Variants in PON3 observed in about 807,000 individuals in gnomAD.
PON3 encodes paraoxonase 3.
A neutral mutation model predicts 36.3 loss-of-function variants in PON3; 37 were observed. The ratio of observed to expected loss-of-function variants is 1.02; its 90% CI spans 0.78 to 1.34. The LOEUF is 1.34. PON3 is among the 40% of genes most tolerant of loss of function. PON3 has a pLI of 0.00. For missense variants in PON3, 415 were observed against 426.5 expected (o/e 0.97, Z 0.24); for synonymous variants, 155 against 154.8 (o/e 1.00, Z -0.01).
intron 2 of PON3, among the ~76,000 whole-genome samples, chr7:95,392,096 T>C (rs1035080844): frequency 2.0e-5 from 3 of 152,208 alleles, no homozygotes; most frequent in Admixed American, 6.5e-5. Flanking sequence ...GAGGATGATG[T>C]AGATGTTTGT....
chr7:95,362,616 T>A, intron 7 of PON3, 126 bp from the exon 8 acceptor site: 1 of 1,472,486 alleles, frequency 6.8e-7, no homozygotes, highest in Non-Finnish European at 9.5e-7. Context: ...GGGCTTTGCT[T>A]CTGTATTTTA....
intron 3 of PON3, chr7:95,377,549 C>T (rs1350380360): frequency 2.8e-5 from 12 of 426,638 alleles, no homozygotes; most frequent in Admixed American, 1.2e-4. Context: ...CAGGCGGATG[C>T]CCCTCTGGGA....
chr7:95,387,931 C>T (rs150009267), intron 3 of PON3, among the ~76,000 whole-genome samples: 4,340 of 152,096 alleles, frequency 0.029, 120 homozygotes, highest in African/African-American at 0.069. Flanking sequence ...GCTAGCCATA[C>T]GTAGAAAGCC....
chr7:95,373,359 G>A (rs1808850332), intron 3 of PON3, among the ~76,000 whole-genome samples: 2 of 152,062 alleles, frequency 1.3e-5, no homozygotes, highest in South Asian at 2.1e-4. Flanking sequence ...AACAACCCCA[G>A]CTATATCTTC....
At chr7:95,383,233 C>T (rs1809103302) in intron 3 of PON3, among the ~76,000 whole-genome samples, 1 of 152,128 alleles carries the variant, frequency 6.6e-6, no homozygotes, top group African/African-American at 2.4e-5. Flanking sequence ...ATGACAAACC[C>T]ACAGCCAATA....
intron 3 of PON3, among the ~76,000 whole-genome samples, chr7:95,387,247 A>G (rs1809216164): frequency 6.6e-6 from 1 of 152,222 alleles, no homozygotes; most frequent in Non-Finnish European, 1.5e-5. Context: ...CCATCATCTG[A>G]GCCTCAAATC....
At chr7:95,371,672 T>C (rs954241831) in intron 4 of PON3, among the ~76,000 whole-genome samples, 1 of 152,204 alleles carries the variant, frequency 6.6e-6, no homozygotes, top group African/African-American at 2.4e-5. Flanking sequence ...GTAAGAATTA[T>C]TTATATTGTC....
intron 1 of PON3, among the ~76,000 whole-genome samples, chr7:95,394,921 C>G (rs909875326): frequency 6.6e-6 from 1 of 151,972 alleles, no homozygotes; most frequent in African/African-American, 2.4e-5. Context: ...CTAACCTTAC[C>G]CAGTTATTGC....
In PON3 at chr7:95,396,303, TAAG is replaced by T; in HGVS notation, c.45_47del (p.Leu16del). On this transcript the variant is annotated inframe_deletion, in exon 1 of 9. Transcript: ENST00000265627. ...TAAACGCCAGGAACATCTCCCCGAC[TAAG>T]GACAGGCCGACCCCCAGCAGGACCA... 1 of 1,613,812 alleles carries T rather than the reference TAAG, an allele frequency of 6.2e-7. No homozygotes were observed. Among genetic ancestry groups the T allele is most frequent in the Non-Finnish European group, 8.5e-7 (1 of 1,179,950 alleles).
intron 3 of PON3, among the ~76,000 whole-genome samples, chr7:95,381,294 C>T (rs1410096740): frequency 6.6e-6 from 1 of 152,206 alleles, no homozygotes; most frequent in East Asian, 1.9e-4. Flanking sequence ...ACTGCATCAA[C>T]TAATGAGCAA....
intron 3 of PON3, among the ~76,000 whole-genome samples, chr7:95,384,432 A>C (rs1809139835): frequency 6.6e-6 from 1 of 152,236 alleles, no homozygotes; most frequent in Non-Finnish European, 1.5e-5. Context: ...ACAGAATGCA[A>C]GAAAATTTTT....
intron 8 of PON3, among the ~76,000 whole-genome samples, chr7:95,361,165 G>T (rs572610571): frequency 6.6e-6 from 1 of 152,204 alleles, no homozygotes; most frequent in South Asian, 2.1e-4. Flanking sequence ...TTGCTTCCTA[G>T]TTTAGGGTAA....
At chr7:95,385,349 T>C (rs888957744) in intron 3 of PON3, among the ~76,000 whole-genome samples, 13 of 152,178 alleles carry the variant, frequency 8.5e-5, no homozygotes, top group Admixed American at 2.6e-4. Context: ...ACTTAAAGTA[T>C]AATAAAAAAT....
chr7:95,371,368 C>T (rs1808805261), intron 4 of PON3, among the ~76,000 whole-genome samples: 1 of 152,090 alleles, frequency 6.6e-6, no homozygotes, highest in South Asian at 2.1e-4. Context: ...TGAGGAAATG[C>T]AAAACTCCTT....
chr7:95,367,583 T>C (rs1585720085), intron 4 of PON3, 95 bp from the exon 5 acceptor site: 1 of 1,353,686 alleles, frequency 7.4e-7, no homozygotes, highest in East Asian at 2.3e-5. Flanking sequence ...AAAAGTTTTC[T>C]TCTTACATCT....
chr7:95,383,878 A>G (rs1809122155), intron 3 of PON3, among the ~76,000 whole-genome samples: 1 of 152,224 alleles, frequency 6.6e-6, no homozygotes, highest in Non-Finnish European at 1.5e-5. Flanking sequence ...GGAACCAAAA[A>G]TGAGCCCGCA....
chr7:95,381,035 G>A (rs535552110), intron 3 of PON3, among the ~76,000 whole-genome samples: 2 of 152,286 alleles, frequency 1.3e-5, no homozygotes, highest in South Asian at 4.1e-4. Flanking sequence ...AGAAGAGGGT[G>A]GGGGCCAATA....
chr7:95,384,886 A>AT (rs1809152745), intron 3 of PON3, among the ~76,000 whole-genome samples: 2 of 152,218 alleles, frequency 1.3e-5, no homozygotes, highest in South Asian at 4.1e-4. Flanking sequence ...TCCTGCTGCT[A>AT]TAAAGACACA....
chr7:95,367,220 C>G (rs1051898632), intron 5 of PON3, 142 bp downstream of exon 5: 13 of 1,014,802 alleles, frequency 1.3e-5, no homozygotes, highest in Non-Finnish European at 1.7e-5. Context: ...GAAGAGTCAC[C>G]ATGGGAATCA....
Sources: allele counts gnomAD v4.1 joint callset (sites outside exome capture counted in the v4.1 genomes callset), GRCh38; gene constraint gnomAD v4.1.1; transcripts MANE v1.5; gene names NCBI Gene and HGNC (gene_info 2026-07-23, HGNC 2026-07-21).